FOCAD: variants seen among roughly 807,000 people sequenced by gnomAD.
The protein encoded by FOCAD is KIAA1797.
FOCAD carries 198 observed loss-of-function variants against 225.6 expected under a neutral mutation model. The observed-to-expected ratio is 0.88, with a 90% CI of 0.78 to 0.99. FOCAD has a LOEUF of 0.99. Among genes scored for constraint, FOCAD ranks in the 50% least tolerant of loss-of-function variants. FOCAD has a pLI of 0.00. For missense variants in FOCAD, 2,713 were observed against 2,123.6 expected, an observed-to-expected ratio of 1.28 and a Z score of -5.46; for synonymous variants, 897 against 755.0, an observed-to-expected ratio of 1.19 and a Z score of -3.08.
At chr9:20,970,194 C>G (rs909538400) in intron 35 of FOCAD, among the ~76,000 whole-genome samples, 1 of 143,568 alleles carries the variant, frequency 7.0e-6, no homozygotes. Context: ...TTGCCTTTAT[C>G]TTTCTTAGAC....
chr9:20,754,443 G>T (rs535098535), intron 5 of FOCAD, among the ~76,000 whole-genome samples: 4 of 152,038 alleles, frequency 2.6e-5, no homozygotes, highest in African/African-American at 9.6e-5. Context: ...TTACTCTTGT[G>T]CATCCAGTTT....
At chr9:20,710,331 C>T (rs1824735764) in intron 1 of FOCAD, among the ~76,000 whole-genome samples, 2 of 149,184 alleles carry the variant, frequency 1.3e-5, no homozygotes, top group African/African-American at 4.9e-5. Flanking sequence ...CACGGTGGCT[C>T]ACACCTGTAA....
intron 11 of FOCAD, among the ~76,000 whole-genome samples, chr9:20,807,331 G>A (rs1822565854): frequency 6.6e-6 from 1 of 152,202 alleles, no homozygotes; most frequent in Admixed American, 6.5e-5. Context: ...TTATCTGTGT[G>A]TGTGTGCACG....
intron 18 of FOCAD, among the ~76,000 whole-genome samples, chr9:20,870,794 A>G (rs1330005850): frequency 6.6e-6 from 1 of 152,212 alleles, no homozygotes; most frequent in Admixed American, 6.5e-5. Flanking sequence ...TGATAGGTTA[A>G]GTGTGTTAAA....
At chr9:20,821,577 A>G (rs1223759459) in intron 14 of FOCAD, among the ~76,000 whole-genome samples, 2 of 152,114 alleles carry the variant, frequency 1.3e-5, no homozygotes, top group African/African-American at 4.8e-5. Flanking sequence ...GAAATTAGGA[A>G]GATGACTCTG....
At chr9:20,730,199 A>G (rs547764330) in intron 4 of FOCAD, among the ~76,000 whole-genome samples, 65 of 152,176 alleles carry the variant, frequency 4.3e-4, no homozygotes, top group African/African-American at 1.5e-3. Context: ...TTCATTTTTG[A>G]TGATGTTAGC....
At chr9:20,951,712 A>G (rs1481539226) in intron 34 of FOCAD, among the ~76,000 whole-genome samples, 3 of 152,174 alleles carry the variant, frequency 2.0e-5, no homozygotes, top group Non-Finnish European at 4.4e-5. Flanking sequence ...TTTTGGTAAA[A>G]GCAGTAAAAG....
chr9:20,707,822 G>A (rs1340140873), intron 1 of FOCAD, among the ~76,000 whole-genome samples: 1 of 152,186 alleles, frequency 6.6e-6, no homozygotes, highest in Non-Finnish European at 1.5e-5. Flanking sequence ...GTTATTTTGG[G>A]AGTGTTGGTG....
At chr9:20,921,065 A>G in intron 24 of FOCAD, among the ~76,000 whole-genome samples, 1 of 152,166 alleles carries the variant, frequency 6.6e-6, no homozygotes, top group Non-Finnish European at 1.5e-5. Context: ...ATCCAAAAAA[A>G]TAAAAAAGAA....
At chr9:20,717,960 A>G (rs557828963) in intron 3 of FOCAD, 92 bp downstream of exon 3, 19 of 928,620 alleles carry the variant, frequency 2.0e-5, no homozygotes, top group Non-Finnish European at 3.0e-5. Context: ...CTGATAGTTC[A>G]GATCACAGTA....
intron 17 of FOCAD, 42 bp from the exon 18 acceptor site, chr9:20,866,887 G>GTTTTTTTTTTT: frequency 2.2e-6 from 1 of 451,114 alleles, no homozygotes; most frequent in Non-Finnish European, 3.0e-6. Flanking sequence ...TTGTTTGCTT[G>GTTTTTTTTTTT]CTTTTTTTTT....
At chr9:20,921,151 T>A (rs1834387599) in intron 24 of FOCAD, among the ~76,000 whole-genome samples, 1 of 152,074 alleles carries the variant, frequency 6.6e-6, no homozygotes, top group Admixed American at 6.5e-5. Context: ...TGAATTTATT[T>A]CCCTTATTAT....
At chr9:20,655,842 C>T (rs10124136), upstream of FOCAD, among the ~76,000 whole-genome samples, 30,415 of 150,946 alleles carry the variant, frequency 0.2, 3,305 homozygotes, top group Non-Finnish European at 0.24. Flanking sequence ...TTGCTCTTGC[C>T]TTTCTAGTTC....
At chr9:20,859,014 C>T (rs1440282835) in intron 15 of FOCAD, among the ~76,000 whole-genome samples, 2 of 152,036 alleles carry the variant, frequency 1.3e-5, no homozygotes, top group Non-Finnish European at 2.9e-5. Context: ...TATAGTCTGT[C>T]CTTGAGAATA....
intron 2 of FOCAD, among the ~76,000 whole-genome samples, chr9:20,667,449 T>A (rs1230800187): frequency 6.6e-6 from 1 of 152,236 alleles, no homozygotes; most frequent in African/African-American, 2.4e-5. Context: ...ATTGGGAATT[T>A]AAATTGTAAA....
chr9:20,749,143 C>T (rs1433806438), intron 5 of FOCAD, among the ~76,000 whole-genome samples: 4 of 152,092 alleles, frequency 2.6e-5, no homozygotes, highest in Admixed American at 6.6e-5. Context: ...AGACTTCTGA[C>T]ATTGGCAGGC....
At chr9:20,876,488 G>T (rs766736958) in intron 19 of FOCAD, among the ~76,000 whole-genome samples, 8 of 152,106 alleles carry the variant, frequency 5.3e-5, no homozygotes, top group African/African-American at 1.9e-4. Flanking sequence ...TACAGAATGT[G>T]CAGTGCTATG....
intron 36 of FOCAD, among the ~76,000 whole-genome samples, chr9:20,976,900 A>C (rs1269434262): frequency 6.6e-6 from 1 of 152,174 alleles, no homozygotes; most frequent in Non-Finnish European, 1.5e-5. Flanking sequence ...ATGCTGTATT[A>C]ATTTTCTATT....
intron 15 of FOCAD, among the ~76,000 whole-genome samples, chr9:20,829,430 A>G (rs1221536307): frequency 3.3e-5 from 5 of 150,644 alleles, no homozygotes; most frequent in African/African-American, 1.2e-4. Context: ...TTTTTTTCAA[A>G]CTATAGCCAT....
Sources: gnomAD v4.1 joint callset for allele counts (sites outside exome capture counted in the v4.1 genomes callset) on GRCh38, gnomAD v4.1.1 for gene constraint, MANE v1.5 for transcripts, NCBI Gene and HGNC (gene_info 2026-07-23, HGNC 2026-07-21) for gene names.